Variants in VPS13D observed in about 807,000 individuals in gnomAD.
The protein encoded by VPS13D is vacuolar protein sorting 13 homolog D.
A neutral mutation model predicts 461.9 loss-of-function variants in VPS13D; 187 were observed. The ratio of observed to expected loss-of-function variants is 0.40; its 90% CI spans 0.36 to 0.46. VPS13D has a LOEUF of 0.46. Among genes scored for constraint, VPS13D ranks in the 20% least tolerant of loss-of-function variants. The probability of loss-of-function intolerance (pLI) is 0.60; values close to 1 mark genes in which losing one functional copy is unlikely to be tolerated. For missense variants in VPS13D, 4,711 were observed against 5,364.9 expected, an observed-to-expected ratio of 0.88 and a Z score of 3.81; for synonymous variants, 1,951 against 1,986.3, an observed-to-expected ratio of 0.98 and a Z score of 0.47.
At chr1:12,484,975 C>CGT (rs970095456) in intron 67 of VPS13D, among the ~76,000 whole-genome samples, 66 of 151,298 alleles carry the variant, frequency 4.4e-4, no homozygotes, top group Middle Eastern at 3.4e-3. Flanking sequence ...TGTACACACA[C>CGT]GTGTGTGTGT....
chr1:12,236,842 A>T (rs1640164475), intron 2 of VPS13D, among the ~76,000 whole-genome samples: 1 of 152,146 alleles, frequency 6.6e-6, no homozygotes, highest in Admixed American at 6.5e-5. Flanking sequence ...GTAGGTTATC[A>T]GTTTCTTCAT....
At chr1:12,310,446 G>A (rs1642701968) in intron 27 of VPS13D, among the ~76,000 whole-genome samples, 1 of 152,160 alleles carries the variant, frequency 6.6e-6, no homozygotes, top group African/African-American at 2.4e-5. Context: ...ACCCATGGGA[G>A]GTTAGAGAAA....
Position 12,291,016 on chromosome 1 carries a change from A to G in VPS13D, c.5744A>G (p.Gln1915Arg). ...TCCCTAGAGGGAGACCTGGCCTTAC[A>G]GGGCAGCATTGGGAGTCTGTCTCTA... ...LEMIEGDLAL[Q>R]GSIGSLSLSD... Residue 1915 changes from glutamine to arginine, a missense_variant, in exon 23 of 70, where the codon CAG becomes CGG. This residue lies in a region of VPS13D where 4,411 missense variants were observed against 4,937.8 expected (regional missense o/e 0.89). Transcript: ENST00000620676. The G allele has an allele frequency of 6.2e-7, 1 of 1,612,236 alleles. No homozygotes were observed. The highest frequency in any genetic ancestry group is 8.5e-7 in the Non-Finnish European group (1 of 1,179,440).
In VPS13D at chr1:12,275,869, A is replaced by G. The variant is rs1439629003; in HGVS notation, c.2281A>G (p.Thr761Ala). 6.2e-7 allele frequency: 1 copy of G among 1,612,664 alleles called. No individual in the cohort carries two copies. ...TAGGGATGGGTCAGCATCTGAAGAG[A>G]CCCAGTTTAGTGATGATGAATATAA... ...KSRDGSASEE[T>A]QFSDDEYKTP... The change falls in exon 19 of 70, where the codon ACC becomes GCC. Residue 761 changes from threonine (T) to alanine (A), a missense_variant. Physicochemically the swap from Thr to Ala is moderately conservative, Grantham distance 58 (BLOSUM62 0). Coordinates refer to ENST00000620676, the MANE Select transcript of VPS13D (RefSeq NM_015378.4).
chr1:12,478,505 A>G (rs993246046), intron 67 of VPS13D: 1 of 276,766 alleles, frequency 3.6e-6, no homozygotes, highest in African/African-American at 2.2e-5. Context: ...GTGCATATCC[A>G]CAGGGCAAAA....
intron 52 of VPS13D, among the ~76,000 whole-genome samples, chr1:12,366,641 T>C (rs1301800626): frequency 6.6e-6 from 1 of 152,230 alleles, no homozygotes; most frequent in Admixed American, 6.5e-5. Context: ...TTAAAATGGT[T>C]TTAACGGGCA....
intron 65 of VPS13D, among the ~76,000 whole-genome samples, chr1:12,440,978 T>C (rs1334692409): frequency 6.6e-6 from 1 of 151,568 alleles, no homozygotes; most frequent in East Asian, 1.9e-4. Flanking sequence ...CAGGGTGGAG[T>C]GCAATGGTGC....
intron 13 of VPS13D, among the ~76,000 whole-genome samples, chr1:12,262,657 C>G (rs1408428049): frequency 1.3e-5 from 2 of 151,854 alleles, no homozygotes; most frequent in African/African-American, 4.8e-5. Context: ...GCTGTGATGT[C>G]CAGTAGGTTA....
chr1:12,322,135 G>A (rs188301194), intron 33 of VPS13D, among the ~76,000 whole-genome samples, 171 bp downstream of exon 33: 8 of 152,042 alleles, frequency 5.3e-5, no homozygotes, highest in Non-Finnish European at 8.8e-5. Context: ...GTGCGATCTC[G>A]GCTCACTGCA....
Position 12,253,845 on chromosome 1 carries a change from G to A in VPS13D, c.669+19G>A, listed in dbSNP as rs1400329611. ...GTTACAGGTACGATTTCGGCAGGGAGATTTGTTGCAAGACAGCATGGAAGG... is the reference window on the plus strand; with the variant it reads ...GTTACAGGTACGATTTCGGCAGGGAAATTTGTTGCAAGACAGCATGGAAGG... On this transcript the variant is annotated intron_variant, in intron 7 of 69. Coordinates refer to ENST00000620676, the MANE Select transcript of VPS13D (RefSeq NM_015378.4). 1 of 1,606,544 alleles carries A rather than the reference G, an allele frequency of 6.2e-7. No homozygotes were observed. The highest frequency in any genetic ancestry group is 1.1e-5 in the South Asian group (1 of 90,832).
At chr1:12,280,863 A>G (rs1023382201) in intron 20 of VPS13D, among the ~76,000 whole-genome samples, 2 of 152,096 alleles carry the variant, frequency 1.3e-5, no homozygotes, top group Admixed American at 6.5e-5. Flanking sequence ...GTTATTGTAG[A>G]TAATTCTTTC....
intron 37 of VPS13D, 130 bp from the exon 38 acceptor site, chr1:12,333,096 T>C (rs1643371063): frequency 2.7e-6 from 3 of 1,112,620 alleles, no homozygotes; most frequent in Non-Finnish European, 3.8e-6. Flanking sequence ...GGTGCTTTTG[T>C]TGTGAAATTG....
At position 12,481,052 on chromosome 1, in the gene VPS13D, A is replaced by G. The variant is rs1645708664; in HGVS notation, c.12663-16448A>G. Among the ~76,000 whole-genome samples, 4 of 152,196 alleles carry G rather than the reference A, an allele frequency of 2.6e-5. No individual in the cohort carries two copies. In the South Asian group the frequency reaches 8.3e-4, roughly 31 times the overall value. ...CCCTCTCTGTCTGCCTTTTGCCCCC[A>G]GGTCCAGAGGGAGAAACAAACCCTC... On this transcript the variant is annotated intron_variant, in intron 67 of 69. Transcript: ENST00000620676.
At chr1:12,454,362 G>A (rs916288321) in intron 65 of VPS13D, among the ~76,000 whole-genome samples, 2 of 152,196 alleles carry the variant, frequency 1.3e-5, no homozygotes, top group African/African-American at 4.8e-5. Flanking sequence ...GTCGTGTGGT[G>A]TTTCCAGTTG....
intron 24 of VPS13D, among the ~76,000 whole-genome samples, chr1:12,294,384 A>G (rs1415963080): frequency 6.6e-6 from 1 of 152,214 alleles, no homozygotes; most frequent in East Asian, 1.9e-4. Flanking sequence ...TCTCACAGCA[A>G]CCGCTGAAGA....
Position 12,338,321 on chromosome 1 carries a change from G to C in VPS13D, c.8626+16G>C, listed in dbSNP as rs1372501298. On this transcript the variant is annotated intron_variant, in intron 40 of 69. Coordinates refer to ENST00000620676, the MANE Select transcript of VPS13D (RefSeq NM_015378.4). ...TATGCTAGAGGTACAGTATAGCCAA[G>C]CGAGGGCTTGCTTTATTTTCCTGTT... 6.2e-7 allele frequency: 1 copy of C among 1,610,426 alleles called. No homozygotes were observed. The highest frequency in any genetic ancestry group is 1.7e-4 in the Middle Eastern group (1 of 6,040).
intron 5 of VPS13D, among the ~76,000 whole-genome samples, chr1:12,247,680 GT>G (rs2101223449): frequency 6.7e-6 from 1 of 150,126 alleles, no homozygotes; most frequent in Non-Finnish European, 1.5e-5. Context: ...TTGGAGAAAT[GT>G]CTATTTGAAT....
chr1:12,424,621 C>T (rs1410286751), intron 65 of VPS13D, among the ~76,000 whole-genome samples: 1 of 152,136 alleles, frequency 6.6e-6, no homozygotes, highest in Non-Finnish European at 1.5e-5. Context: ...TTAGCTTTCC[C>T]CCTTTTCCAC....
Position 12,505,840 on chromosome 1 carries a change from T to G in VPS13D, c.12795-1013T>G, listed in dbSNP as rs1476694246. ...GTGTGCGTCCTGCACGGACCCCAAG[T>G]GAGCGAGGGCCCGGCAGCCTGCTCC... On this transcript the variant is annotated intron_variant, in intron 68 of 69. Transcript: ENST00000620676. The surrounding 1 kb of genome is among the most constrained non-coding windows in gnomAD (Gnocchi z 4.2). Among the ~76,000 whole-genome samples the G allele has an allele frequency of 6.6e-6, 1 of 152,158 alleles. No homozygotes were observed. Among genetic ancestry groups the G allele is most frequent in the East Asian group, 1.9e-4 (1 of 5,196 alleles).
Sources: allele counts gnomAD v4.1 joint callset (sites outside exome capture counted in the v4.1 genomes callset), GRCh38; gene constraint gnomAD v4.1.1; regional missense constraint gnomAD v4.1.1; non-coding constraint Gnocchi (gnomAD v3.1); transcripts MANE v1.5; gene names NCBI Gene and HGNC (gene_info 2026-07-23, HGNC 2026-07-21).